The following UNC5D variants were observed in gnomAD, a reference collection of about 807,000 sequenced individuals.
UNC5D encodes netrin receptor UNC5D.
UNC5D carries 39 observed loss-of-function variants against 105.4 expected under a neutral mutation model. That is an observed-to-expected ratio of 0.37 (90% CI 0.29 to 0.48). The LOEUF is 0.48. Among genes scored for constraint, UNC5D ranks in the 20% least tolerant of loss-of-function variants. The probability of loss-of-function intolerance (pLI) is 0.98; values close to 1 mark genes in which losing one functional copy is unlikely to be tolerated. For missense variants in UNC5D, 991 were observed against 1,202.4 expected (o/e 0.82, Z 2.60); for synonymous variants, 452 against 450.4 (o/e 1.00, Z -0.04).
chr8:35,405,791 T>C (rs761763840), intron 1 of UNC5D, among the ~76,000 whole-genome samples: 6 of 152,166 alleles, frequency 3.9e-5, no homozygotes, highest in Non-Finnish European at 4.4e-5. Flanking sequence ...TTAGCACTTC[T>C]TTCTTGTAGG....
chr8:35,325,936 G>A (rs969695248), intron 1 of UNC5D, among the ~76,000 whole-genome samples: 3 of 152,160 alleles, frequency 2.0e-5, no homozygotes, highest in African/African-American at 4.8e-5. Flanking sequence ...AGTTTACACA[G>A]CAAATACCAA....
chr8:35,689,874 A>G (rs1826268861), intron 7 of UNC5D, among the ~76,000 whole-genome samples: 1 of 152,182 alleles, frequency 6.6e-6, no homozygotes, highest in Non-Finnish European at 1.5e-5. Flanking sequence ...TGGGCACCCC[A>G]TGGCCCAGTC....
intron 1 of UNC5D, among the ~76,000 whole-genome samples, chr8:35,499,680 T>G (rs1294481106): frequency 6.6e-6 from 1 of 152,144 alleles, no homozygotes; most frequent in Non-Finnish European, 1.5e-5. Context: ...GAGGGAGGAA[T>G]AGGGCCCAGG....
At chr8:35,302,061 A>G (rs1218447027) in intron 1 of UNC5D, among the ~76,000 whole-genome samples, 5 of 152,186 alleles carry the variant, frequency 3.3e-5, no homozygotes, top group African/African-American at 1.2e-4. Flanking sequence ...TTTATGCCTG[A>G]TAAAATGGGA....
At chr8:35,505,177 A>T (rs1029744942) in intron 1 of UNC5D, among the ~76,000 whole-genome samples, 4 of 152,230 alleles carry the variant, frequency 2.6e-5, no homozygotes, top group Admixed American at 2.6e-4. Context: ...ACAAAAATCA[A>T]AAATTAAAGA....
chr8:35,647,732 C>T (rs1201257632), intron 4 of UNC5D, among the ~76,000 whole-genome samples: 2 of 152,124 alleles, frequency 1.3e-5, no homozygotes, highest in African/African-American at 2.4e-5. Context: ...GCCAGCACTT[C>T]CTGGTTAATT....
At chr8:35,615,048 C>CG (rs1325440862) in intron 4 of UNC5D, among the ~76,000 whole-genome samples, 3 of 127,888 alleles carry the variant, frequency 2.3e-5, no homozygotes, top group Non-Finnish European at 1.7e-5. Flanking sequence ...CCCCCCCCCC[C>CG]CGTCCCCCAC....
intron 1 of UNC5D, among the ~76,000 whole-genome samples, chr8:35,249,055 T>G (rs1479671702): frequency 8.8e-6 from 1 of 113,116 alleles, no homozygotes; most frequent in Non-Finnish European, 1.7e-5. Flanking sequence ...ATAAAAATAA[T>G]ATATAAAATA....
chr8:35,760,045 T>C (rs1039389809), intron 14 of UNC5D, among the ~76,000 whole-genome samples: 30 of 151,382 alleles, frequency 2.0e-4, no homozygotes, highest in Admixed American at 6.6e-4. Flanking sequence ...TTTTTCTTTT[T>C]TTTTTTTTTT....
At chr8:35,736,912 G>T (rs900847601) in intron 11 of UNC5D, among the ~76,000 whole-genome samples, 2 of 152,096 alleles carry the variant, frequency 1.3e-5, no homozygotes, top group Admixed American at 6.6e-5. Context: ...GGTGGGTAGG[G>T]GTGAGTGAGG....
chr8:35,718,363 C>T (rs1337392134), intron 8 of UNC5D, among the ~76,000 whole-genome samples: 1 of 152,154 alleles, frequency 6.6e-6, no homozygotes, highest in Non-Finnish European at 1.5e-5. Context: ...ACAAACCAGC[C>T]ACACTGTACT....
intron 1 of UNC5D, among the ~76,000 whole-genome samples, chr8:35,338,908 C>G (rs1481493310): frequency 6.6e-5 from 10 of 152,040 alleles, no homozygotes; most frequent in Admixed American, 3.3e-4. Context: ...TCTAGGTTCC[C>G]TTGATGTAAG....
intron 1 of UNC5D, chr8:35,525,426 C>T (rs1052080899): frequency 6.2e-7 from 1 of 1,612,168 alleles, no homozygotes; most frequent in Non-Finnish European, 8.5e-7. Context: ...GAGCTGCTGG[C>T]CCTCTAGAGA....
At chr8:35,425,245 AT>A (rs1389081758) in intron 1 of UNC5D, among the ~76,000 whole-genome samples, 1 of 152,218 alleles carries the variant, frequency 6.6e-6, no homozygotes, top group East Asian at 1.9e-4. Flanking sequence ...ATGTTAGGGA[AT>A]TTATCTTTAC....
At chr8:35,774,511 C>T (rs754908893) in intron 16 of UNC5D, 34 bp downstream of exon 16, 5 of 1,609,286 alleles carry the variant, frequency 3.1e-6, no homozygotes, top group Non-Finnish European at 4.2e-6. Context: ...GACGATGTTA[C>T]TAAGAGAACT....
Position 35,306,695 on chromosome 8 carries a change from A to T in UNC5D, c.103+70808A>T, listed in dbSNP as rs138065595. 1.4e-4 allele frequency among the ~76,000 whole-genome samples: 22 copies of T among 152,274 alleles called. No homozygotes were observed. In the East Asian group the frequency reaches 4.1e-3, roughly 28 times the overall value. ...GAGAATAAAGGCCTTCTGTAATAAA[A>T]TCATCACCATCATGAATTGTCTCCA... On this transcript the variant is annotated intron_variant, in intron 1 of 16. Coordinates refer to ENST00000404895, the MANE Select transcript of UNC5D (RefSeq NM_080872.4).
intron 4 of UNC5D, among the ~76,000 whole-genome samples, chr8:35,627,311 C>T (rs1821748748): frequency 6.6e-6 from 1 of 152,160 alleles, no homozygotes; most frequent in Admixed American, 6.5e-5. Flanking sequence ...AATCATCTGG[C>T]TTAATTAATC....
At chr8:35,374,622 T>G (rs1802593790) in intron 1 of UNC5D, among the ~76,000 whole-genome samples, 2 of 152,190 alleles carry the variant, frequency 1.3e-5, no homozygotes, top group Admixed American at 6.5e-5. Context: ...AAATGCTTAT[T>G]TGTTACTGTC....
intron 7 of UNC5D, among the ~76,000 whole-genome samples, chr8:35,689,690 C>G (rs749872118): frequency 2.0e-5 from 3 of 152,184 alleles, no homozygotes; most frequent in Admixed American, 2.0e-4. Context: ...AGCATTCTCT[C>G]TTACTCAGGG....
Sources: gnomAD v4.1 joint callset for allele counts (sites outside exome capture counted in the v4.1 genomes callset) on GRCh38, gnomAD v4.1.1 for gene constraint, MANE v1.5 for transcripts, NCBI Gene and HGNC (gene_info 2026-07-23, HGNC 2026-07-21) for gene names.